Variants in ZPLD1 observed in about 807,000 individuals in gnomAD.
The protein encoded by ZPLD1 is zona pellucida-like domain-containing protein 1.
ZPLD1 carries 34 observed loss-of-function variants against 47.2 expected under a neutral mutation model. That is an observed-to-expected ratio of 0.72 (90% CI 0.55 to 0.96). ZPLD1 has a LOEUF of 0.96. Ranked by LOEUF, ZPLD1 falls within the 40% of genes least tolerant of loss-of-function variation. ZPLD1 has a pLI of 0.00. For synonymous variants in ZPLD1, 176 were observed against 186.2 expected, an observed-to-expected ratio of 0.95 and a Z score of 0.45; for missense variants, 512 against 505.8, an observed-to-expected ratio of 1.01 and a Z score of -0.12.
At chr3:102,391,656 A>C (rs898935919) in intron 6 of ZPLD1, among the ~76,000 whole-genome samples, 4 of 152,072 alleles carry the variant, frequency 2.6e-5, no homozygotes, top group African/African-American at 9.7e-5. Context: ...TGGGAAGTTG[A>C]TTTCCAGCCC....
Position 102,438,696 on chromosome 3 carries a change from T to C in ZPLD1, c.106+103T>C, listed in dbSNP as rs755572937. On this transcript the variant is annotated intron_variant, in intron 3 of 11. Coordinates refer to ENST00000466937, the MANE Select transcript of ZPLD1 (RefSeq NM_001329788.2). ...TATGGAGAACGGGGGGCTATCTCTT[T>C]ACATTAAGTGGATATTAACAAATGG... 74 of 759,506 alleles carry C rather than the reference T, an allele frequency of 9.7e-5. No individual in the cohort carries two copies. The Middle Eastern group carries it at 2.6e-3, about 27-fold the overall frequency. 47.0% of individuals were successfully genotyped at this position (759,506 alleles called of 1,614,324 possible).
intron 10 of ZPLD1, among the ~76,000 whole-genome samples, chr3:102,471,160 G>A (rs567597189): frequency 6.6e-6 from 1 of 152,126 alleles, no homozygotes; most frequent in African/African-American, 2.4e-5. Flanking sequence ...ATTTGAGTGC[G>A]CTGCAGCCTC....
intron 7 of ZPLD1, among the ~76,000 whole-genome samples, chr3:102,415,239 A>G (rs1706792240): frequency 6.6e-6 from 1 of 151,840 alleles, no homozygotes; most frequent in Admixed American, 6.6e-5. Flanking sequence ...TAGCTCTCCT[A>G]TAATTTAGCT....
rs536501457 is a variant in ZPLD1, at chr3:102,421,485, G to A, written c.-9+3278G>A. Among the ~76,000 whole-genome samples the A allele has an allele frequency of 2.0e-5, 3 of 151,864 alleles. No individual in the cohort carries two copies. In the East Asian group the frequency reaches 5.8e-4, roughly 29 times the overall value. On this transcript the variant is annotated intron_variant, in intron 8 of 17. Coordinates refer to the ZPLD1 transcript ENST00000491959. Reference sequence around the variant, plus strand: ...GGTACACACATTTAAAAACTTTGGTGCATTTGTGTATTATGTATTTGTGCT... The same window carrying A: ...GGTACACACATTTAAAAACTTTGGTACATTTGTGTATTATGTATTTGTGCT...
intron 8 of ZPLD1, among the ~76,000 whole-genome samples, chr3:102,423,035 G>A (rs1706899225): frequency 6.6e-6 from 1 of 152,054 alleles, no homozygotes; most frequent in Non-Finnish European, 1.5e-5. Context: ...CTGTCAGTGG[G>A]AAGAAGGATC....
chr3:102,435,028 C>A lies in ZPLD1; in HGVS notation c.-249C>A. On this transcript the variant is annotated 5_prime_UTR_variant, in exon 1 of 12. Coordinates refer to ENST00000466937, the MANE Select transcript of ZPLD1 (RefSeq NM_001329788.2). ...TTTTGAGGAATGTAAAGGGTGTTAA[C>A]ATAATCCCCCAATCCCATACAATTC... The A allele has an allele frequency of 6.8e-7, 1 of 1,462,356 alleles. No individual in the cohort carries two copies. Among genetic ancestry groups the A allele is most frequent in the Non-Finnish European group, 9.6e-7 (1 of 1,044,530 alleles). 90.6% of individuals were successfully genotyped at this position (1,462,356 alleles called of 1,614,324 possible). A position where few individuals can be genotyped will look rare whatever the true frequency, so the allele number is the denominator to read the frequency against.
intron 3 of ZPLD1, among the ~76,000 whole-genome samples, chr3:102,446,886 T>C (rs1707263669): frequency 6.6e-6 from 1 of 152,182 alleles, no homozygotes; most frequent in Admixed American, 6.5e-5. Context: ...GTTAATGTTG[T>C]TATCTCAAAG....
At chr3:102,468,241 A>G (rs1707627839) in intron 8 of ZPLD1, among the ~76,000 whole-genome samples, 1 of 152,174 alleles carries the variant, frequency 6.6e-6, no homozygotes, top group Non-Finnish European at 1.5e-5. Flanking sequence ...ATTGAATAAT[A>G]TTTATATAGG....
chr3:102,440,622 G>A (rs1488708449), intron 3 of ZPLD1, among the ~76,000 whole-genome samples: 1 of 151,332 alleles, frequency 6.6e-6, no homozygotes, highest in African/African-American at 2.4e-5. Flanking sequence ...CAAAACTGAA[G>A]ATTGCTGTAT....
At chr3:102,430,270 G>T (rs1707001946), upstream of ZPLD1, among the ~76,000 whole-genome samples, 1 of 152,198 alleles carries the variant, frequency 6.6e-6, no homozygotes, top group Non-Finnish European at 1.5e-5. Flanking sequence ...TGACTAACTT[G>T]ACTCAGTCCT....
chr3:102,405,006 G>T (rs970568650), intron 7 of ZPLD1, among the ~76,000 whole-genome samples: 7 of 151,960 alleles, frequency 4.6e-5, no homozygotes, highest in Non-Finnish European at 7.4e-5. Flanking sequence ...TTTTTAGGAA[G>T]ATATTAGTAT....
chr3:102,435,851 C>T (rs988927661), intron 1 of ZPLD1, among the ~76,000 whole-genome samples: 4 of 152,058 alleles, frequency 2.6e-5, no homozygotes, highest in African/African-American at 9.7e-5. Context: ...ACCGTATTAG[C>T]CAGGATGATC....
chr3:102,444,112 T>C (rs2107326047), intron 3 of ZPLD1, among the ~76,000 whole-genome samples: 1 of 152,328 alleles, frequency 6.6e-6, no homozygotes, highest in South Asian at 2.1e-4. Flanking sequence ...ATAACAGCAT[T>C]CTTTATTGCA....
intron 7 of ZPLD1, among the ~76,000 whole-genome samples, chr3:102,401,542 C>T (rs1327200230): frequency 2.0e-5 from 3 of 152,074 alleles, no homozygotes; most frequent in African/African-American, 7.2e-5. Context: ...TTTGCATATA[C>T]TTCTTTTGGC....
At chr3:102,445,866 A>G (rs1332791821) in intron 3 of ZPLD1, among the ~76,000 whole-genome samples, 1 of 152,228 alleles carries the variant, frequency 6.6e-6, no homozygotes, top group Non-Finnish European at 1.5e-5. Flanking sequence ...TAATACACTT[A>G]AAGAGATAAA....
At chr3:102,439,673 A>G (rs1158149135) in intron 3 of ZPLD1, among the ~76,000 whole-genome samples, 1 of 152,226 alleles carries the variant, frequency 6.6e-6, no homozygotes, top group Non-Finnish European at 1.5e-5. Flanking sequence ...ATCAACATTT[A>G]TAAATTTTGT....
intron 8 of ZPLD1, among the ~76,000 whole-genome samples, 199 bp downstream of exon 8, chr3:102,464,450 G>A (rs1450481949): frequency 6.6e-6 from 1 of 152,158 alleles, no homozygotes; most frequent in Non-Finnish European, 1.5e-5. Context: ...TGCTGATAAG[G>A]CTATTGTTGA....
chr3:102,408,963 C>T (rs1349644302), intron 7 of ZPLD1, among the ~76,000 whole-genome samples: 3 of 151,748 alleles, frequency 2.0e-5, no homozygotes, highest in Non-Finnish European at 4.4e-5. Flanking sequence ...ATATCTAGTA[C>T]AATGGACCCT....
At chr3:102,403,696 G>A (rs1706650246) in intron 7 of ZPLD1, among the ~76,000 whole-genome samples, 1 of 151,876 alleles carries the variant, frequency 6.6e-6, no homozygotes, top group Non-Finnish European at 1.5e-5. Flanking sequence ...TTATCCTGAT[G>A]TGTCTTAACT....
Sources: gnomAD v4.1 joint callset for allele counts (sites outside exome capture counted in the v4.1 genomes callset) on GRCh38, gnomAD v4.1.1 for gene constraint, MANE v1.5 for transcripts, NCBI Gene and HGNC (gene_info 2026-07-23, HGNC 2026-07-21) for gene names.